The following TIAM2 variants were observed in gnomAD, a reference collection of about 807,000 sequenced individuals.
TIAM2 encodes the protein TIAM Rac1 associated GEF 2, also known as rho guanine nucleotide exchange factor TIAM2.
In TIAM2, 80 loss-of-function variants were observed where a neutral mutation model predicts 152.9. That is an observed-to-expected ratio of 0.52 (90% CI 0.44 to 0.63). The LOEUF (loss-of-function observed/expected upper bound fraction) is 0.63. Ranked by LOEUF, TIAM2 falls within the 30% of genes least tolerant of loss-of-function variation. The probability of loss-of-function intolerance (pLI) is 0.00; values close to 1 mark genes in which losing one functional copy is unlikely to be tolerated. For missense variants in TIAM2, 1,965 were observed against 2,120.1 expected (o/e 0.93, Z 1.44); for synonymous variants, 804 against 838.0 (o/e 0.96, Z 0.70).
At chr6:155,207,913 A>C (rs1781631662) in intron 14 of TIAM2, among the ~76,000 whole-genome samples, 1 of 152,140 alleles carries the variant, frequency 6.6e-6, no homozygotes, top group Admixed American at 6.5e-5. Context: ...CTTTGAAGAG[A>C]TTGACTCAGA....
chr6:155,030,371 A>G (rs531606158), intron 1 of TIAM2, among the ~76,000 whole-genome samples: 4 of 152,224 alleles, frequency 2.6e-5, no homozygotes, highest in Non-Finnish European at 5.9e-5. Flanking sequence ...TGTTGGTGAG[A>G]AGTTGATTTT....
chr6:155,191,437 C>T (rs927154254), intron 14 of TIAM2, among the ~76,000 whole-genome samples: 1 of 152,216 alleles, frequency 6.6e-6, no homozygotes, highest in Non-Finnish European at 1.5e-5. Flanking sequence ...TGCAGTGTCT[C>T]TTCCAGAGGT....
At position 155,186,831 on chromosome 6, in the gene TIAM2, T is replaced by C. The variant is rs1055966233; in HGVS notation, c.3064+3331T>C. On this transcript the variant is annotated intron_variant, in intron 14 of 26. Transcript: ENST00000682666. The surrounding 1 kb of genome is among the most constrained non-coding windows in gnomAD (Gnocchi z 4.5). ...TTTGAAAAACAGTTTTTAATACAAC[T>C]TTGAATTATAACTTAGCAGTGGCCG... Among the ~76,000 whole-genome samples the C allele has an allele frequency of 1.1e-4, 16 of 152,318 alleles. No individual in the cohort carries two copies. The highest frequency in any genetic ancestry group is 2.2e-4 in the Non-Finnish European group (15 of 68,026).
In TIAM2 at chr6:155,254,476, C is replaced by T. The variant is rs766023103; in HGVS notation, c.4371C>T (p.Asn1457=). ...VKVIRSILRE[N]FRRHIKCELP... is the part of the protein sequence containing the mutation. ...TGATTCGTTCTATTCTGAGGGAGAACTTCAGGCGTCACATAAAGTGTGAAT... is the reference window on the plus strand; with the variant it reads ...TGATTCGTTCTATTCTGAGGGAGAATTTCAGGCGTCACATAAAGTGTGAAT... The change falls in exon 26 of 27, where the codon AAC becomes AAT. Residue 1457 remains asparagine, a synonymous_variant. Coordinates refer to ENST00000682666, the MANE Select transcript of TIAM2 (RefSeq NM_012454.4). 41 of 1,614,000 alleles carry T rather than the reference C, an allele frequency of 2.5e-5. No homozygotes were observed. The highest frequency in any genetic ancestry group is 1.6e-4 in the Middle Eastern group (1 of 6,084).
chr6:155,099,112 G>A (rs1011459806), intron 2 of TIAM2, among the ~76,000 whole-genome samples: 6 of 127,964 alleles, frequency 4.7e-5, no homozygotes, highest in Admixed American at 2.9e-4. Flanking sequence ...GCTTGAACCC[G>A]GGAGTCAGAG....
chr6:155,230,690 C>G (rs1454359332), intron 15 of TIAM2, among the ~76,000 whole-genome samples: 2 of 151,748 alleles, frequency 1.3e-5, no homozygotes, highest in African/African-American at 4.8e-5. Flanking sequence ...TCAGATAAGC[C>G]AAAAGATTAA....
chr6:155,104,756 CAA>C (rs55914919), intron 2 of TIAM2, among the ~76,000 whole-genome samples: 3 of 134,152 alleles, frequency 2.2e-5, no homozygotes, highest in Non-Finnish European at 1.6e-5. Context: ...GACTCTGTCT[CAA>C]AAAAAAAAAA....
intron 1 of TIAM2, among the ~76,000 whole-genome samples, chr6:155,057,253 G>C (rs1777474452): frequency 6.6e-6 from 1 of 151,526 alleles, no homozygotes; most frequent in South Asian, 2.1e-4. Context: ...TGCCCAGGCT[G>C]GTTTTGAACT....
intron 1 of TIAM2, among the ~76,000 whole-genome samples, chr6:155,018,550 C>T (rs986947863): frequency 1.3e-5 from 2 of 148,678 alleles, no homozygotes; most frequent in East Asian, 2.0e-4. Context: ...ACCAGGGGGG[C>T]GGAACTTTTA....
chr6:155,023,225 G>A (rs1776534128), intron 1 of TIAM2, among the ~76,000 whole-genome samples: 1 of 152,066 alleles, frequency 6.6e-6, no homozygotes. Flanking sequence ...AGCCAGGTGG[G>A]AATCTCTGCT....
rs142995536 is a variant in TIAM2, at chr6:155,213,805, G to A, written c.3168+2498G>A. ...ATTGGTGCCCAAAGTACAGCAGGGG[G>A]CTGGCATGTCAGCGCTGCCCTGAAC... On this transcript the variant is annotated intron_variant, in intron 15 of 26. Transcript: ENST00000682666. This position sits in a 1 kb window ranked among gnomAD's most constrained non-coding sequence, Gnocchi z 4.2. Among the ~76,000 whole-genome samples, 227 of 152,352 alleles carry A rather than the reference G, an allele frequency of 1.5e-3. 1 individual carries two copies. Among genetic ancestry groups the A allele is most frequent in the Middle Eastern group, 6.8e-3 (2 of 294 alleles).
chr6:155,194,105 A>G lies in TIAM2; in HGVS notation c.3064+10605A>G, dbSNP rs546675827. On this transcript the variant is annotated intron_variant, in intron 14 of 26. Coordinates refer to ENST00000682666, the MANE Select transcript of TIAM2 (RefSeq NM_012454.4). ...TCCAGGTTGATCAGGGCCACTCTCC[A>G]GGGAGGGTCTCACCTTTGTTAACCC... Among the ~76,000 whole-genome samples the G allele has an allele frequency of 9.5e-4, 145 of 152,322 alleles. 2 individuals are homozygous for G. Among genetic ancestry groups the G allele is most frequent in the Admixed American group, 1.4e-3 (21 of 15,296 alleles).
At chr6:155,187,647 T>C (rs2115157483) in intron 14 of TIAM2, among the ~76,000 whole-genome samples, 1 of 141,256 alleles carries the variant, frequency 7.1e-6, no homozygotes, top group South Asian at 2.4e-4. Context: ...TGGTGCAATC[T>C]TGGCTCACCG....
intron 1 of TIAM2, among the ~76,000 whole-genome samples, chr6:155,021,944 C>G (rs1044744930): frequency 1.3e-5 from 2 of 152,216 alleles, no homozygotes; most frequent in African/African-American, 4.8e-5. Context: ...GTCCTGACCT[C>G]CTGCCTCTTT....
At chr6:155,248,937 C>T (rs970635182) in intron 20 of TIAM2, among the ~76,000 whole-genome samples, 1 of 152,086 alleles carries the variant, frequency 6.6e-6, no homozygotes, top group Admixed American at 6.6e-5. Context: ...ATTAAACTGG[C>T]TTTTTTTCCA....
At chr6:155,114,036 ATTTTTTTTTTTTTCTTTT>A (rs1381081482) in intron 2 of TIAM2, among the ~76,000 whole-genome samples, 4 of 34,904 alleles carry the variant, frequency 1.1e-4, no homozygotes, top group Admixed American at 1.3e-3. Flanking sequence ...ATATATATAT[ATTTTTTTTTTTTTCTTTT>A]TTTTTTTTTT....
chr6:155,122,528 T>TGGGGATTGGGACGGAATGGAGAATGGA (rs1562323346), intron 2 of TIAM2, among the ~76,000 whole-genome samples: 2 of 152,098 alleles, frequency 1.3e-5, no homozygotes, highest in African/African-American at 2.4e-5. Context: ...GGTAGGATTT[T>TGGGGATTGGGACGGAATGGAGAATGGA]TTTTTTTTGT....
chr6:155,103,212 C>G (rs1375105392), intron 2 of TIAM2, among the ~76,000 whole-genome samples: 1 of 152,070 alleles, frequency 6.6e-6, no homozygotes, highest in Admixed American at 6.6e-5. Context: ...ACTTGAGAAA[C>G]CTTACATAGT....
At chr6:155,139,188 TC>T (rs1182320503) in intron 5 of TIAM2, among the ~76,000 whole-genome samples, 1 of 152,210 alleles carries the variant, frequency 6.6e-6, no homozygotes, top group Non-Finnish European at 1.5e-5. Context: ...ATTACCCCTT[TC>T]TAGCTTTTCT....
Sources: allele counts gnomAD v4.1 joint callset (sites outside exome capture counted in the v4.1 genomes callset), GRCh38; gene constraint gnomAD v4.1.1; non-coding constraint Gnocchi (gnomAD v3.1); transcripts MANE v1.5; gene names NCBI Gene and HGNC (gene_info 2026-07-23, HGNC 2026-07-21).